The following RAB2A variants were observed in gnomAD, a reference collection of about 807,000 sequenced individuals.
RAB2A encodes ras-related protein Rab-2A.
A neutral mutation model predicts 32.5 loss-of-function variants in RAB2A; 7 were observed. The observed-to-expected ratio is 0.22, with a 90% CI of 0.12 to 0.40. The LOEUF is 0.40. Among genes scored for constraint, RAB2A ranks in the 10% least tolerant of loss-of-function variants. The pLI is 1.00. For synonymous variants in RAB2A, 79 were observed against 85.2 expected (o/e 0.93, Z 0.40); for missense variants, 108 against 260.7 (o/e 0.41, Z 4.03).
At chr8:60,590,250 G>A (rs995962834) in intron 5 of RAB2A, among the ~76,000 whole-genome samples, 4 of 151,716 alleles carry the variant, frequency 2.6e-5, no homozygotes, top group Admixed American at 6.6e-5. Flanking sequence ...GTGAGCCACC[G>A]CACCCGGCCT....
At chr8:60,619,405 C>T (rs1219536482) in intron 7 of RAB2A, among the ~76,000 whole-genome samples, 3 of 152,028 alleles carry the variant, frequency 2.0e-5, no homozygotes, top group Non-Finnish European at 4.4e-5. Flanking sequence ...AAAGAAAAGC[C>T]CTGGTTTCTC....
chr8:60,612,336 G>A (rs1804365103), intron 6 of RAB2A, among the ~76,000 whole-genome samples: 1 of 152,170 alleles, frequency 6.6e-6, no homozygotes, highest in African/African-American at 2.4e-5. Flanking sequence ...AAATTAAGAT[G>A]TGTTTAGGCT....
At chr8:60,539,236 A>C (rs139617795) in intron 1 of RAB2A, among the ~76,000 whole-genome samples, 56 of 152,334 alleles carry the variant, frequency 3.7e-4, no homozygotes, top group Non-Finnish European at 6.2e-4. Flanking sequence ...TAAACTGATA[A>C]TAAAAGTACC....
At chr8:60,547,041 C>T (rs1807740172) in intron 1 of RAB2A, among the ~76,000 whole-genome samples, 2 of 150,982 alleles carry the variant, frequency 1.3e-5, no homozygotes, top group Admixed American at 6.6e-5. Flanking sequence ...GAGGACCCTG[C>T]GGCCTTCCGC....
intron 6 of RAB2A, among the ~76,000 whole-genome samples, chr8:60,606,500 A>G (rs1293837582): frequency 2.0e-5 from 3 of 152,174 alleles, no homozygotes; most frequent in Non-Finnish European, 4.4e-5. Flanking sequence ...TTAAATTTAA[A>G]ATGGCACCCA....
At chr8:60,614,114 A>T (rs1196370366) in intron 6 of RAB2A, among the ~76,000 whole-genome samples, 2 of 151,870 alleles carry the variant, frequency 1.3e-5, no homozygotes, top group East Asian at 3.9e-4. Flanking sequence ...AAAACTGCCC[A>T]ACCATAATAA....
intron 1 of RAB2A, among the ~76,000 whole-genome samples, chr8:60,555,301 T>G (rs1348156375): frequency 6.6e-6 from 1 of 152,108 alleles, no homozygotes; most frequent in Non-Finnish European, 1.5e-5. Flanking sequence ...AGGACATTGG[T>G]CAAGGCAAAG....
At chr8:60,534,738 T>C (rs992215197) in intron 1 of RAB2A, among the ~76,000 whole-genome samples, 1 of 151,752 alleles carries the variant, frequency 6.6e-6, no homozygotes, top group Non-Finnish European at 1.5e-5. Flanking sequence ...TGATTAACAC[T>C]AAGGAATCTT....
intron 1 of RAB2A, among the ~76,000 whole-genome samples, chr8:60,553,316 T>C (rs1327172802): frequency 1.3e-5 from 2 of 152,304 alleles, no homozygotes; most frequent in East Asian, 3.9e-4. Flanking sequence ...AATTATTTCT[T>C]CTCTCTAGGA....
chr8:60,591,195 C>G (rs11988389), intron 5 of RAB2A, among the ~76,000 whole-genome samples: 12,436 of 151,802 alleles, frequency 0.082, 1,553 homozygotes, highest in African/African-American at 0.27. Flanking sequence ...CCCTCCCCCC[C>G]ACTAATAAAA....
chr8:60,547,592 T>C (rs374353915), intron 1 of RAB2A, among the ~76,000 whole-genome samples: 4,982 of 99,394 alleles, frequency 0.05, 64 homozygotes, highest in East Asian at 0.11. Context: ...CACTTCCCAG[T>C]AGGGGCGGCC....
chr8:60,590,290 AT>A (rs1279827087), intron 5 of RAB2A, among the ~76,000 whole-genome samples: 1 of 151,642 alleles, frequency 6.6e-6, no homozygotes, highest in Non-Finnish European at 1.5e-5. Flanking sequence ...AAAAATTCTG[AT>A]TATTTCCTAC....
intron 1 of RAB2A, among the ~76,000 whole-genome samples, chr8:60,550,677 C>T (rs2130825023): frequency 6.6e-6 from 1 of 152,260 alleles, no homozygotes; most frequent in East Asian, 1.9e-4. Flanking sequence ...AGCCACCACA[C>T]CTGCCTTCTT....
chr8:60,521,878 T>C (rs1807307409), intron 1 of RAB2A, among the ~76,000 whole-genome samples: 1 of 152,176 alleles, frequency 6.6e-6, no homozygotes, highest in Admixed American at 6.5e-5. Context: ...CACCTCGGCC[T>C]CCTTAAGTGC....
chr8:60,524,703 T>G (rs1296540303), intron 1 of RAB2A, among the ~76,000 whole-genome samples: 1 of 152,222 alleles, frequency 6.6e-6, no homozygotes, highest in Non-Finnish European at 1.5e-5. Context: ...GGAAATGCTG[T>G]TTTAGTCACT....
rs539575254 is a variant in RAB2A at position 60,618,152 on chromosome 8, T to G, written c.475-428T>G. On this transcript the variant is annotated intron_variant, in intron 6 of 7. Coordinates refer to ENST00000262646, the MANE Select transcript of RAB2A (RefSeq NM_002865.3). ...TTCTGTAGTTTGCACTTGTTGGCTGTTGTGAATAATGCTGTTTGTAATGCT... is the reference window on the plus strand; with the variant it reads ...TTCTGTAGTTTGCACTTGTTGGCTGGTGTGAATAATGCTGTTTGTAATGCT... Among the ~76,000 whole-genome samples, 3 of 152,356 alleles carry G rather than the reference T, an allele frequency of 2.0e-5. No individual in the cohort carries two copies. In the East Asian group the frequency reaches 5.8e-4, roughly 29 times the overall value.
At chr8:60,582,311 T>C (rs547020263) in intron 3 of RAB2A, among the ~76,000 whole-genome samples, 54 of 152,316 alleles carry the variant, frequency 3.5e-4, no homozygotes, top group African/African-American at 1.1e-3. Flanking sequence ...GCTTTCTCAC[T>C]GTCTAATTTA....
At chr8:60,620,633 T>C (rs772988464) in intron 7 of RAB2A, 41 bp from the exon 8 acceptor site, 2 of 1,390,708 alleles carry the variant, frequency 1.4e-6, no homozygotes, top group African/African-American at 2.8e-5. Context: ...TTAAACTATA[T>C]TGTCTGGTCA....
Position 60,517,003 on chromosome 8 carries a change from C to G in RAB2A, c.-205C>G, listed in dbSNP as rs919036523. The G allele has an allele frequency of 3.6e-5, 17 of 472,234 alleles. No homozygotes were observed. Among genetic ancestry groups the G allele is most frequent in the Middle Eastern group, 1.1e-3 (2 of 1,766 alleles). 29.3% of individuals were successfully genotyped at this position (472,234 alleles called of 1,614,324 possible). A position where few individuals can be genotyped will look rare whatever the true frequency, so the allele number is the denominator to read the frequency against. ...GCGGCTGTTATTGTTCGGCTGGGCTCGGTCGGGCGCTGTCTCCCTCGGCTC... is the reference window on the plus strand; with the variant it reads ...GCGGCTGTTATTGTTCGGCTGGGCTGGGTCGGGCGCTGTCTCCCTCGGCTC... On this transcript the variant is annotated 5_prime_UTR_variant, in exon 1 of 8. Transcript: ENST00000262646.
Sources: allele counts gnomAD v4.1 joint callset (sites outside exome capture counted in the v4.1 genomes callset), GRCh38; gene constraint gnomAD v4.1.1; transcripts MANE v1.5; gene names NCBI Gene and HGNC (gene_info 2026-07-23, HGNC 2026-07-21).